PPP6R2: variants seen among roughly 807,000 people sequenced by gnomAD.
PPP6R2 encodes the protein serine/threonine-protein phosphatase 6 regulatory subunit 2.
Under a neutral mutation model 100.2 loss-of-function variants are expected in PPP6R2, and 62 were observed. The observed-to-expected ratio is 0.62, with a 90% CI of 0.50 to 0.76. PPP6R2 has a LOEUF of 0.76. Ranked by LOEUF, PPP6R2 falls within the 30% of genes least tolerant of loss-of-function variation. The probability of loss-of-function intolerance (pLI) is 0.00; values close to 1 mark genes in which losing one functional copy is unlikely to be tolerated. For missense variants in PPP6R2, 1,142 were observed against 1,276.3 expected (o/e 0.89, Z 1.60); for synonymous variants, 525 against 514.7 (o/e 1.02, Z -0.27).
rs1406360122 is a variant in PPP6R2, at chr22:50,431,484, A to T, written c.1335+102A>T. The T allele has an allele frequency of 8.2e-6, 9 of 1,103,502 alleles. No homozygotes were observed. The highest frequency in any genetic ancestry group is 1.2e-5 in the Non-Finnish European group (9 of 771,640). 68.4% of individuals were successfully genotyped at this position (1,103,502 alleles called of 1,614,324 possible). ...TGCCGGACCTCACTGTGCAGCTGAC[A>T]CGGGGGCAGGGCTTTGAAAAGGGTC... On this transcript the variant is annotated intron_variant, in intron 11 of 23. Coordinates refer to ENST00000612753, the MANE Select transcript of PPP6R2 (RefSeq NM_001242898.2). The surrounding 1 kb of genome is among the most constrained non-coding windows in gnomAD (Gnocchi z 4.8).
At chr22:50,376,920 G>A (rs1432814056) in intron 2 of PPP6R2, among the ~76,000 whole-genome samples, 2 of 152,048 alleles carry the variant, frequency 1.3e-5, no homozygotes, top group African/African-American at 4.8e-5. Flanking sequence ...CCAGCTACTC[G>A]GGAGGCTGAG....
In PPP6R2 at chr22:50,423,551, G is replaced by T; in HGVS notation, c.1062G>T (p.Leu354=). 3.7e-6 allele frequency: 6 copies of T among 1,614,236 alleles called. No individual in the cohort carries two copies. The highest frequency in any genetic ancestry group is 5.1e-6 in the Non-Finnish European group (6 of 1,180,046). Residue 354 remains leucine, a synonymous_variant, in exon 10 of 24, where the codon CTG becomes CTT. Coordinates refer to ENST00000612753, the MANE Select transcript of PPP6R2 (RefSeq NM_001242898.2). The surrounding 1 kb of genome is among the most constrained non-coding windows in gnomAD (Gnocchi z 4.8). ...LHGARLMAAL[L]HTNTPSINQE... ...GCGCCCGCCTCATGGCAGCACTGCT[G>T]CACACAAACACACCCAGCATCAACC...
At chr22:50,424,794 T>C (rs10854887) in intron 10 of PPP6R2, among the ~76,000 whole-genome samples, 61,186 of 151,706 alleles carry the variant, frequency 0.4, 12,843 homozygotes, top group East Asian at 0.75. Context: ...TGCGCCACCA[T>C]GCCCAGCTAA....
Position 50,439,947 on chromosome 22 carries a change from G to C in PPP6R2, c.2286-14G>C. 6.2e-7 allele frequency: 1 copy of C among 1,613,032 alleles called. No homozygotes were observed. Among genetic ancestry groups the C allele is most frequent in the Non-Finnish European group, 8.5e-7 (1 of 1,179,518 alleles). ...GTCCCCCAGGACTGATCCTGTCCTC[G>C]TCCTTGTATGCAGCTCCGAGTCAGG... is the stretch of plus-strand genomic sequence containing the variant. On this transcript the variant is annotated splice_polypyrimidine_tract_variant and intron_variant, in intron 20 of 23. Transcript: ENST00000612753.
chr22:50,431,389 C>A lies in PPP6R2; in HGVS notation c.1335+7C>A. The A allele has an allele frequency of 6.2e-7, 1 of 1,610,388 alleles. No homozygotes were observed. Among genetic ancestry groups the A allele is most frequent in the Non-Finnish European group, 8.5e-7 (1 of 1,179,252 alleles). ...CAACACAATGGTGACCCACGTGAGT[C>A]CAAGAAGCATCCATCTTATCAGCGC... is the stretch of plus-strand genomic sequence containing the variant. On this transcript the variant is annotated splice_region_variant and intron_variant, in intron 11 of 23. Transcript: ENST00000612753. The surrounding 1 kb of genome is among the most constrained non-coding windows in gnomAD (Gnocchi z 4.8).
At chr22:50,401,626 C>T (rs1176651167) in intron 3 of PPP6R2, among the ~76,000 whole-genome samples, 1 of 151,506 alleles carries the variant, frequency 6.6e-6, no homozygotes, top group African/African-American at 2.4e-5. Flanking sequence ...ATTCTCCCGC[C>T]TCAGCCTCCC....
intron 3 of PPP6R2, among the ~76,000 whole-genome samples, chr22:50,401,777 C>T (rs529082903): frequency 9.9e-5 from 15 of 151,744 alleles, no homozygotes; most frequent in African/African-American, 3.6e-4. Context: ...TGAGTACAGG[C>T]GCCTGCCACC....
At chr22:50,371,549 T>C (rs1437998272) in intron 1 of PPP6R2, among the ~76,000 whole-genome samples, 1 of 152,096 alleles carries the variant, frequency 6.6e-6, no homozygotes, top group Non-Finnish European at 1.5e-5. Context: ...TTAACTGTCA[T>C]GTTTGCTAGT....
intron 2 of PPP6R2, among the ~76,000 whole-genome samples, chr22:50,392,637 G>A (rs149677441): frequency 2.0e-5 from 3 of 152,332 alleles, no homozygotes; most frequent in African/African-American, 4.8e-5. Context: ...CTTGTAGTGC[G>A]GATGGGGTCC....
At chr22:50,410,469 C>CTTTTTTTTTTTTT (rs200178930) in intron 4 of PPP6R2, among the ~76,000 whole-genome samples, 1 of 103,340 alleles carries the variant, frequency 9.7e-6, no homozygotes, top group African/African-American at 3.8e-5. Context: ...TGAGTGGTGT[C>CTTTTTTTTTTTTT]TTTTTTTTTT....
At chr22:50,362,203 T>A (rs1170348492) in intron 1 of PPP6R2, among the ~76,000 whole-genome samples, 1 of 152,216 alleles carries the variant, frequency 6.6e-6, no homozygotes, top group Non-Finnish European at 1.5e-5. Flanking sequence ...TGGCCATCTC[T>A]GTCCTTAACT....
intron 1 of PPP6R2, among the ~76,000 whole-genome samples, chr22:50,346,826 C>A (rs932519129): frequency 7.6e-6 from 1 of 132,042 alleles, no homozygotes; most frequent in Non-Finnish European, 1.6e-5. Flanking sequence ...TCAGCCAGTG[C>A]CCCCCCAGTC....
chr22:50,335,138 G>A, the PPP6R2 span, among the ~76,000 whole-genome samples: 3 of 145,538 alleles, frequency 2.1e-5, no homozygotes, highest in Non-Finnish European at 4.5e-5. Context: ...CACAACCTCC[G>A]CCTCCCAGGT....
At chr22:50,427,860 A>G (rs2062444918) in intron 10 of PPP6R2, among the ~76,000 whole-genome samples, 1 of 152,172 alleles carries the variant, frequency 6.6e-6, no homozygotes, top group Admixed American at 6.5e-5. Flanking sequence ...AGCTGGGACT[A>G]CAGGTGCCTG....
intron 5 of PPP6R2, 60 bp from the exon 6 acceptor site, chr22:50,416,032 G>C (rs949638657): frequency 3.6e-5 from 53 of 1,484,666 alleles, no homozygotes; most frequent in Non-Finnish European, 4.8e-5. Context: ...AAGGGGAAAG[G>C]TTCCTGTTGT....
At chr22:50,418,668 G>C (rs1476355145) in intron 6 of PPP6R2, among the ~76,000 whole-genome samples, 199 bp from the exon 7 acceptor site, 1 of 151,572 alleles carries the variant, frequency 6.6e-6, no homozygotes, top group Non-Finnish European at 1.5e-5. Flanking sequence ...TTACAGGCCT[G>C]AGCCATTGTG....
intron 4 of PPP6R2, among the ~76,000 whole-genome samples, chr22:50,407,705 C>T (rs982029264): frequency 6.6e-6 from 1 of 152,184 alleles, no homozygotes; most frequent in Non-Finnish European, 1.5e-5. Flanking sequence ...TGGGCTTCTG[C>T]CCCTCCAGGC....
chr22:50,354,079 C>T (rs143050361), intron 1 of PPP6R2, among the ~76,000 whole-genome samples: 2,311 of 151,862 alleles, frequency 0.015, 52 homozygotes, highest in African/African-American at 0.053. Context: ...CCGAGGTGGG[C>T]GGATCACCTG....
chr22:50,421,678 A>G (rs1473132040), intron 8 of PPP6R2, among the ~76,000 whole-genome samples: 1 of 152,156 alleles, frequency 6.6e-6, no homozygotes, highest in African/African-American at 2.4e-5. Flanking sequence ...TGGGAGGCCA[A>G]GGCGGGTGGA....
Sources: allele counts gnomAD v4.1 joint callset (sites outside exome capture counted in the v4.1 genomes callset), GRCh38; gene constraint gnomAD v4.1.1; non-coding constraint Gnocchi (gnomAD v3.1); transcripts MANE v1.5; gene names NCBI Gene and HGNC (gene_info 2026-07-23, HGNC 2026-07-21).